The following MATN1 variants were observed in gnomAD, a reference collection of about 807,000 sequenced individuals.
MATN1 encodes matrilin 1.
A neutral mutation model predicts 41.3 loss-of-function variants in MATN1; 34 were observed. That is an observed-to-expected ratio of 0.82 (90% confidence interval 0.63 to 1.10). The LOEUF is 1.10. Among genes scored for constraint, MATN1 ranks in the 50% least tolerant of loss-of-function variants. MATN1 has a pLI of 0.00. For synonymous variants in MATN1, 264 were observed against 278.7 expected, an observed-to-expected ratio of 0.95 and a Z score of 0.53; for missense variants, 602 against 662.4, an observed-to-expected ratio of 0.91 and a Z score of 1.00.
In MATN1 at chr1:30,715,137, C is replaced by T. The variant is rs760185273; in HGVS notation, c.1360+20G>A. 6 of 1,612,478 alleles carry T rather than the reference C, an allele frequency of 3.7e-6. No homozygotes were observed. Among genetic ancestry groups the T allele is most frequent in the South Asian group, 1.1e-5 (1 of 90,914 alleles). ...GCCCCACCTGCAAATCCCATCAATG[C>T]CAGCCCTGGCCTCACTCACCCACAC... On this transcript the variant is annotated intron_variant, in intron 6 of 7. Coordinates refer to ENST00000373765, the MANE Select transcript of MATN1 (RefSeq NM_002379.3).
chr1:30,718,238 A>C (rs1459530200), intron 3 of MATN1, among the ~76,000 whole-genome samples: 1 of 129,774 alleles, frequency 7.7e-6, no homozygotes, highest in African/African-American at 3.0e-5. Context: ...TTCTGTCTTC[A>C]CTTTAGCGCT....
rs988553487 is a variant in MATN1 at position 30,711,299 on chromosome 1, T to C, written c.*2283A>G. The C allele has an allele frequency of 2.6e-5, 4 of 152,218 alleles. No individual in the cohort carries two copies. The highest frequency in any genetic ancestry group is 4.4e-5 in the Non-Finnish European group (3 of 68,034). The allele number at this position is 152,218 out of a possible 1,614,324, so 9.4% of individuals were successfully genotyped here. On this transcript the variant is annotated 3_prime_UTR_variant, in exon 8 of 8. Coordinates refer to ENST00000373765, the MANE Select transcript of MATN1 (RefSeq NM_002379.3). ...TAATTAGTTTAGTCCTGTTTATTTA[T>C]ACAAAATTCAAAAAAACAAAATTAC... is the stretch of plus-strand genomic sequence containing the variant.
intron 1 of MATN1, among the ~76,000 whole-genome samples, chr1:30,723,026 G>GC (rs1043684650): frequency 6.6e-6 from 1 of 152,144 alleles, no homozygotes; most frequent in African/African-American, 2.4e-5. Context: ...AGGACTCAGT[G>GC]CCCAAACCTG....
intron 2 of MATN1, chr1:30,719,223 G>T: frequency 2.2e-6 from 1 of 451,280 alleles, no homozygotes. Flanking sequence ...GCCAAATTGG[G>T]GTCTCTAAGG....
intron 7 of MATN1, 117 bp downstream of exon 7, chr1:30,714,130 A>C: frequency 1.3e-6 from 1 of 788,126 alleles, no homozygotes; most frequent in Non-Finnish European, 2.1e-6. Flanking sequence ...GCAGCCCATC[A>C]GCAGTAAGCA....
At position 30,716,405 on chromosome 1, in the gene MATN1, A is replaced by G. The variant is rs1639619455; in HGVS notation, c.791-80T>C. On this transcript the variant is annotated intron_variant, in intron 4 of 7. Transcript: ENST00000373765. ...TGCTCCCCGGCTGGACACCCACCAC[A>G]CACCAAGCTCTGTGCTGAGGATCAT... is the stretch of plus-strand genomic sequence containing the variant. 11 of 1,401,580 alleles carry G rather than the reference A, an allele frequency of 7.8e-6. No individual in the cohort carries two copies. The Admixed American group carries it at 1.9e-4, about 24-fold the overall frequency. The allele number at this position is 1,401,580 out of a possible 1,614,324, so 86.8% of individuals were successfully genotyped here. A position where few individuals can be genotyped will look rare whatever the true frequency, so the allele number is the denominator to read the frequency against.
At position 30,721,677 on chromosome 1, in the gene MATN1, A is replaced by G; in HGVS notation, c.169T>C (p.Phe57Leu). 1 of 1,613,306 alleles carries G rather than the reference A, an allele frequency of 6.2e-7. No individual in the cohort carries two copies. Among genetic ancestry groups the G allele is most frequent in the South Asian group, 1.1e-5 (1 of 91,084 alleles). The change falls in exon 2 of 8, where the codon TTT becomes CTT. Residue 57 changes from phenylalanine to leucine, a missense_variant. By Grantham distance (22) the Phe-to-Leu change is conservative. Coordinates refer to ENST00000373765, the MANE Select transcript of MATN1 (RefSeq NM_002379.3). ...GACAGGAATACCTTCACTTTCTCAA[A>G]TTCAACAGGCCGAACGCTGCGAGAG... ...DSSRSVRPVE[F>L]EKVKVFLSQV...
intron 5 of MATN1, 147 bp from the exon 6 acceptor site, chr1:30,715,456 C>A: frequency 1.4e-6 from 1 of 713,412 alleles, no homozygotes; most frequent in South Asian, 1.8e-5. Context: ...GGAACAAGGA[C>A]AATGAGAAAA....
At chr1:30,716,704 G>A in intron 4 of MATN1, 86 bp downstream of exon 4, 1 of 1,545,854 alleles carries the variant, frequency 6.5e-7, no homozygotes, top group Non-Finnish European at 8.7e-7. Context: ...GTATGGTGCA[G>A]GGAGGCTTGA....
In MATN1 at chr1:30,718,071, G is replaced by A. The variant is rs532300550; in HGVS notation, c.664+664C>T. Among the ~76,000 whole-genome samples, 6 of 152,074 alleles carry A rather than the reference G, an allele frequency of 3.9e-5. No homozygotes were observed. In the East Asian group the frequency reaches 9.7e-4, roughly 25 times the overall value. On this transcript the variant is annotated intron_variant, in intron 3 of 7. Transcript: ENST00000373765. Reference sequence around the variant, plus strand: ...CACCCCTGGTGCTGGCACCACCTCAGTCTAATCCAGGTTCCACCCCCAATC... The same window carrying A: ...CACCCCTGGTGCTGGCACCACCTCAATCTAATCCAGGTTCCACCCCCAATC...
chr1:30,717,011 C>G, intron 3 of MATN1, 96 bp from the exon 4 acceptor site: 1 of 1,359,894 alleles, frequency 7.4e-7, no homozygotes, highest in African/African-American at 1.5e-5. Context: ...CAGGCCCCAT[C>G]CAGACTCAGG....
intron 1 of MATN1, among the ~76,000 whole-genome samples, chr1:30,722,687 G>C (rs1175713111): frequency 6.6e-6 from 1 of 152,190 alleles, no homozygotes; most frequent in African/African-American, 2.4e-5. Context: ...TGCGGAGTCT[G>C]AACTGAGCAG....
Position 30,712,262 on chromosome 1 carries a change from G to C in MATN1, c.*1320C>G, listed in dbSNP as rs1361843763. On this transcript the variant is annotated 3_prime_UTR_variant, in exon 8 of 8. Transcript: ENST00000373765. ...TTCCGGAGCAGCACTGGTCCAACAGGGGCCTGGGGGAGGTGGCCGAGATCT... is the reference window on the plus strand; with the variant it reads ...TTCCGGAGCAGCACTGGTCCAACAGCGGCCTGGGGGAGGTGGCCGAGATCT... 6.6e-6 allele frequency: 1 copy of C among 152,274 alleles called. No homozygotes were observed. Among genetic ancestry groups the C allele is most frequent in the Non-Finnish European group, 1.5e-5 (1 of 68,118 alleles). The allele number at this position is 152,274 out of a possible 1,614,324, so 9.4% of individuals were successfully genotyped here.
At chr1:30,713,791 C>A in intron 7 of MATN1, 160 bp from the exon 8 acceptor site, 1 of 671,326 alleles carries the variant, frequency 1.5e-6, no homozygotes, top group Non-Finnish European at 2.7e-6. Flanking sequence ...TTCCAAAAAA[C>A]ACAGCCAGTT....
At position 30,715,947 on chromosome 1, in the gene MATN1, T is replaced by A. The variant is rs779887344; in HGVS notation, c.1169A>T (p.Asp390Val). 1.9e-6 allele frequency: 3 copies of A among 1,614,152 alleles called. No homozygotes were observed. The highest frequency in any genetic ancestry group is 3.3e-5 in the Admixed American group (2 of 60,024). Reference sequence around the variant, plus strand: ...CTTCTTGGCAGCATCATTAATGTAGTCCTGGCTCCGGCCATCAGTGAAGAC... The same window carrying A: ...CTTCTTGGCAGCATCATTAATGTAGACCTGGCTCCGGCCATCAGTGAAGAC... ...GIVFTDGRSQ[D>V]YINDAAKKAK... Residue 390 changes from aspartate (D) to valine (V), a missense_variant, in exon 5 of 8, where the codon GAC (aspartate) becomes GTC (valine). Coordinates refer to ENST00000373765, the MANE Select transcript of MATN1 (RefSeq NM_002379.3).
intron 3 of MATN1, among the ~76,000 whole-genome samples, chr1:30,717,369 C>T (rs966661088): frequency 2.0e-5 from 3 of 152,190 alleles, no homozygotes; most frequent in Admixed American, 2.0e-4. Context: ...TGCCCTAACC[C>T]TGATCCTGTC....
At chr1:30,721,048 C>G (rs905751387) in intron 2 of MATN1, 1 of 257,472 alleles carries the variant, frequency 3.9e-6, no homozygotes, top group South Asian at 5.6e-5. Flanking sequence ...TGGAGCAGGG[C>G]GTGAACCCAG....
chr1:30,723,233 G>A (rs994788174), intron 1 of MATN1, among the ~76,000 whole-genome samples: 5 of 152,180 alleles, frequency 3.3e-5, no homozygotes, highest in African/African-American at 1.2e-4. Context: ...CAAGGTCCCT[G>A]CCTCATGCAT....
At chr1:30,715,565 C>T (rs961789961) in intron 5 of MATN1, among the ~76,000 whole-genome samples, 4 of 152,188 alleles carry the variant, frequency 2.6e-5, no homozygotes, top group Admixed American at 2.0e-4. Flanking sequence ...AATAATCATC[C>T]ATCTGGTGGT....
Sources: gnomAD v4.1 joint callset for allele counts (sites outside exome capture counted in the v4.1 genomes callset) on GRCh38, gnomAD v4.1.1 for gene constraint, MANE v1.5 for transcripts, NCBI Gene and HGNC (gene_info 2026-07-23, HGNC 2026-07-21) for gene names.